NKAIN3: variants seen among roughly 807,000 people sequenced by gnomAD.
NKAIN3 encodes sodium/potassium transporting ATPase interacting 3.
NKAIN3 carries 25 observed loss-of-function variants against 30.2 expected under a neutral mutation model. That is an observed-to-expected ratio of 0.83 (90% confidence interval 0.60 to 1.16). The LOEUF is 1.16. Ranked by LOEUF, NKAIN3 falls within the 50% of genes most tolerant of loss-of-function variation. The pLI is 0.00. For synonymous variants in NKAIN3, 91 were observed against 89.6 expected (o/e 1.02, Z -0.09); for missense variants, 225 against 254.1 (o/e 0.89, Z 0.78).
intron 1 of NKAIN3, among the ~76,000 whole-genome samples, chr8:62,267,669 T>C (rs1812649973): frequency 2.6e-5 from 4 of 152,226 alleles, no homozygotes; most frequent in South Asian, 2.1e-4. Flanking sequence ...AGTTGTTCAA[T>C]AGGTATTCAC....
chr8:62,262,280 C>T (rs564289862), intron 1 of NKAIN3, among the ~76,000 whole-genome samples: 2 of 152,100 alleles, frequency 1.3e-5, no homozygotes, highest in Non-Finnish European at 2.9e-5. Flanking sequence ...GGAGGAATCC[C>T]AATTTATCCT....
rs535785880 is a variant in NKAIN3, at chr8:62,322,305, G to A, written c.54+73178G>A. Among the ~76,000 whole-genome samples the A allele has an allele frequency of 2.0e-5, 3 of 152,188 alleles. No individual in the cohort carries two copies. The East Asian group carries it at 5.8e-4, about 29-fold the overall frequency. ...TGAGGCAATGCCTTGCCCTGGTTCG[G>A]CTCACGCTCGGTGCACTGTACCCAC... On this transcript the variant is annotated intron_variant, in intron 1 of 6. Coordinates refer to ENST00000623646, the MANE Select transcript of NKAIN3 (RefSeq NM_001304533.3).
Position 62,588,715 on chromosome 8 carries a change from A to G in NKAIN3, c.193-999A>G, listed in dbSNP as rs1368463633. Among the ~76,000 whole-genome samples, 3 of 151,926 alleles carry G rather than the reference A, an allele frequency of 2.0e-5. No homozygotes were observed. In the East Asian group the frequency reaches 5.8e-4, roughly 29 times the overall value. The stretch of plus-strand genomic sequence containing the variant: ...TTAAAAACAGTATGCAATGATTGTA[A>G]TCACTGATAGAAAACAATAATTAAA... On this transcript the variant is annotated intron_variant, in intron 2 of 6. Transcript: ENST00000623646.
intron 4 of NKAIN3, among the ~76,000 whole-genome samples, chr8:62,895,317 C>T (rs911102169): frequency 1.3e-5 from 2 of 152,182 alleles, no homozygotes; most frequent in African/African-American, 4.8e-5. Flanking sequence ...TAGGCTCTGC[C>T]CTCCTTCAGC....
chr8:62,406,676 C>A (rs888536935), intron 1 of NKAIN3, among the ~76,000 whole-genome samples: 1 of 152,072 alleles, frequency 6.6e-6, no homozygotes, highest in Non-Finnish European at 1.5e-5. Context: ...ATTTAGACCT[C>A]AAAATATATT....
intron 4 of NKAIN3, among the ~76,000 whole-genome samples, chr8:62,803,011 CAAAG>C (rs1818125612): frequency 6.6e-6 from 1 of 152,010 alleles, no homozygotes. Context: ...TCAAAAGAGA[CAAAG>C]AAGGCCATTA....
chr8:62,513,267 T>G (rs1295510512), intron 1 of NKAIN3, among the ~76,000 whole-genome samples: 1 of 151,456 alleles, frequency 6.6e-6, no homozygotes, highest in Non-Finnish European at 1.5e-5. Flanking sequence ...AGAAAAATGT[T>G]GAGGCCTTTG....
intron 1 of NKAIN3, among the ~76,000 whole-genome samples, chr8:62,275,195 A>G (rs1168428472): frequency 1.3e-5 from 2 of 152,076 alleles, no homozygotes; most frequent in Non-Finnish European, 2.9e-5. Flanking sequence ...TGGTTGAACT[A>G]GTTTACAGTC....
intron 4 of NKAIN3, among the ~76,000 whole-genome samples, chr8:62,755,289 G>A (rs778541848): frequency 5.3e-5 from 8 of 152,264 alleles, no homozygotes; most frequent in Admixed American, 1.3e-4. Flanking sequence ...TGCAGGGTTC[G>A]GGGGTAAACT....
At chr8:62,435,868 A>C (rs1427082734) in intron 1 of NKAIN3, among the ~76,000 whole-genome samples, 1 of 152,226 alleles carries the variant, frequency 6.6e-6, no homozygotes, top group Non-Finnish European at 1.5e-5. Context: ...TTTTGTAGAC[A>C]AAATCTGTTT....
At chr8:62,437,490 T>C (rs1805204423) in intron 1 of NKAIN3, among the ~76,000 whole-genome samples, 1 of 152,198 alleles carries the variant, frequency 6.6e-6, no homozygotes, top group African/African-American at 2.4e-5. Flanking sequence ...AAAGGTTGAC[T>C]GAAGACTGGT....
At chr8:62,654,610 T>C (rs1034305079) in intron 3 of NKAIN3, among the ~76,000 whole-genome samples, 3 of 152,300 alleles carry the variant, frequency 2.0e-5, no homozygotes, top group African/African-American at 7.2e-5. Flanking sequence ...TAGAGGACAA[T>C]GGTAGTGTCC....
intron 1 of NKAIN3, among the ~76,000 whole-genome samples, chr8:62,318,509 G>A (rs1395432991): frequency 6.6e-6 from 1 of 152,148 alleles, no homozygotes; most frequent in Non-Finnish European, 1.5e-5. Context: ...AGCAATGAAG[G>A]TTGTTGAAGT....
At chr8:62,721,319 C>A (rs1356863302) in intron 3 of NKAIN3, among the ~76,000 whole-genome samples, 2 of 152,162 alleles carry the variant, frequency 1.3e-5, no homozygotes, top group Non-Finnish European at 2.9e-5. Context: ...TATCATACTG[C>A]TACTTTGTGC....
chr8:62,841,538 CT>C (rs778142174), intron 4 of NKAIN3, among the ~76,000 whole-genome samples: 9 of 152,062 alleles, frequency 5.9e-5, no homozygotes, highest in Non-Finnish European at 7.4e-5. Context: ...ATGGATGAAT[CT>C]TTTTTAGATT....
intron 4 of NKAIN3, among the ~76,000 whole-genome samples, chr8:62,785,913 T>G (rs1045244756): frequency 6.6e-6 from 1 of 152,162 alleles, no homozygotes. Context: ...GCAATTAAAG[T>G]GTCTTTCGAA....
At chr8:62,371,649 A>G (rs555119982) in intron 1 of NKAIN3, among the ~76,000 whole-genome samples, 179 of 152,064 alleles carry the variant, frequency 1.2e-3, no homozygotes, top group Non-Finnish European at 2.3e-3. Flanking sequence ...AATTTCATTT[A>G]ATAAACTTGA....
intron 3 of NKAIN3, among the ~76,000 whole-genome samples, chr8:62,659,226 A>T (rs140831422): frequency 6.6e-6 from 1 of 152,180 alleles, no homozygotes; most frequent in Non-Finnish European, 1.5e-5. Flanking sequence ...AGAGTCATTT[A>T]CTCGAGTTTG....
At chr8:62,832,927 G>A (rs954085364) in intron 4 of NKAIN3, among the ~76,000 whole-genome samples, 1 of 151,902 alleles carries the variant, frequency 6.6e-6, no homozygotes, top group African/African-American at 2.4e-5. Flanking sequence ...CTCCATAATA[G>A]ACCACATGCT....
Sources: allele counts gnomAD v4.1 joint callset (sites outside exome capture counted in the v4.1 genomes callset), GRCh38; gene constraint gnomAD v4.1.1; transcripts MANE v1.5; gene names NCBI Gene and HGNC (gene_info 2026-07-23, HGNC 2026-07-21).